Variants in NPIPB2 observed in about 807,000 individuals in gnomAD.
NPIPB2 encodes the protein nuclear pore complex interacting protein family member B2, also known as nuclear pore complex-interacting protein family member B2.
NPIPB2 carries 27 observed loss-of-function variants against 30.8 expected under a neutral mutation model. The ratio of observed to expected loss-of-function variants is 0.88; its 90% CI spans 0.65 to 1.21. The LOEUF (loss-of-function observed/expected upper bound fraction) is 1.21, where lower values mean the gene tolerates loss of function less well. Ranked by LOEUF, NPIPB2 falls within the 50% of genes most tolerant of loss-of-function variation. The pLI, the probability that NPIPB2 is intolerant of heterozygous loss-of-function variation, is 0.00. For synonymous variants in NPIPB2, 147 were observed against 162.0 expected, an observed-to-expected ratio of 0.91 and a Z score of 0.70; for missense variants, 440 against 446.2, an observed-to-expected ratio of 0.99 and a Z score of 0.13.
intron 1 of NPIPB2, 67 bp downstream of exon 1, chr16:11,941,916 C>G: frequency 9.9e-7 from 1 of 1,008,484 alleles, no homozygotes; most frequent in South Asian, 1.4e-5. Context: ...CAGGGTTCCT[C>G]AAGGTCACTT....
chr16:11,957,325 C>T (rs548032411), intron 1 of NPIPB2, among the ~76,000 whole-genome samples: 5 of 152,058 alleles, frequency 3.3e-5, no homozygotes, highest in South Asian at 2.1e-4. Flanking sequence ...ACACCACGCC[C>T]GGCTAAGTTT....
chr16:11,933,652 A>C (rs1332095745), exon 4 of NPIPB2: 1 of 1,596,748 alleles, frequency 6.3e-7, no homozygotes, highest in East Asian at 2.2e-5. Context: ...TTTCAGGCCA[A>C]TTTTATTTCC....
upstream of NPIPB2, among the ~76,000 whole-genome samples, chr16:11,944,493 T>C (rs2054981318): frequency 6.6e-6 from 1 of 150,752 alleles, no homozygotes; most frequent in Non-Finnish European, 1.5e-5. Flanking sequence ...CAGAGTGCGG[T>C]AGCTCACGCC....
At chr16:11,971,389 G>A (rs563319093) in intron 1 of NPIPB2, among the ~76,000 whole-genome samples, 21 of 133,244 alleles carry the variant, frequency 1.6e-4, no homozygotes, top group Non-Finnish European at 2.2e-4. Context: ...CATATAAAAT[G>A]TACACTGGTT....
intron 1 of NPIPB2, among the ~76,000 whole-genome samples, chr16:11,960,387 C>T (rs148374684): frequency 6.8e-6 from 1 of 146,708 alleles, no homozygotes; most frequent in African/African-American, 2.5e-5. Context: ...CAGAGTCTCC[C>T]TCTGTCGCCC....
rs141550088 is a variant in NPIPB2, at chr16:11,960,582, T to C, written c.-584+15986A>G. ...CATGTTGGCCAGGCTGGTCTCAAACTCCTGACCTCAGGTTATCCGCCCTCC... is the reference window on the plus strand; with the variant it reads ...CATGTTGGCCAGGCTGGTCTCAAACCCCTGACCTCAGGTTATCCGCCCTCC... On this transcript the variant is annotated intron_variant, in intron 1 of 5. Transcript: ENST00000538896. 1.7e-3 allele frequency among the ~76,000 whole-genome samples: 259 copies of C among 152,208 alleles called. 1 individual carries two copies. Among genetic ancestry groups the C allele is most frequent in the African/African-American group, 6.0e-3 (249 of 41,522 alleles).
exon 1 of NPIPB2, chr16:11,976,586 G>A (rs1048971453): frequency 1.7e-4 from 61 of 361,830 alleles, no homozygotes; most frequent in Non-Finnish European, 2.8e-4. Flanking sequence ...TCCAGCCCGC[G>A]TAGCCTCAGC....
chr16:11,974,465 C>T (rs1006407967), intron 1 of NPIPB2, among the ~76,000 whole-genome samples: 3 of 151,938 alleles, frequency 2.0e-5, no homozygotes, highest in East Asian at 1.9e-4. Context: ...TGTAGTGAGC[C>T]GAGATCGCGC....
rs113108305 is a variant in NPIPB2 at position 11,974,600 on chromosome 16, TAGAGGAG to T, written c.-584+1961_-584+1967del. The stretch of plus-strand genomic sequence containing the variant: ...TCAGCATTAGAGGAAAAAAAGAAAG[TAGAGGAG>T]AATGTACTACCTACAGAATTGTTTT... On this transcript the variant is annotated intron_variant, in intron 1 of 5. Transcript: ENST00000538896. Among the ~76,000 whole-genome samples the T allele has an allele frequency of 6.8e-3, 1,032 of 152,222 alleles. 12 individuals are homozygous for T. The highest frequency in any genetic ancestry group is 0.024 in the African/African-American group (986 of 41,536).
At chr16:11,969,183 A>G (rs569773217) in intron 1 of NPIPB2, among the ~76,000 whole-genome samples, 2 of 151,944 alleles carry the variant, frequency 1.3e-5, no homozygotes, top group East Asian at 3.9e-4. Flanking sequence ...ATACGCTTCT[A>G]TGGTTAGGGC....
chr16:11,942,072 T>G (rs565644135), upstream of NPIPB2: 1 of 1,479,224 alleles, frequency 6.8e-7, no homozygotes, highest in Non-Finnish European at 9.1e-7. Flanking sequence ...GTCCCGATAG[T>G]AAACCATCTC....
chr16:11,952,571 T>G (rs2055077299), intron 1 of NPIPB2, among the ~76,000 whole-genome samples: 1 of 149,356 alleles, frequency 6.7e-6, no homozygotes, highest in Admixed American at 6.7e-5. Context: ...TTCTCTTTTT[T>G]TTTTTTTTTT....
intron 1 of NPIPB2, among the ~76,000 whole-genome samples, chr16:11,947,390 G>A (rs2055022599): frequency 6.7e-6 from 1 of 149,202 alleles, no homozygotes; most frequent in Admixed American, 6.7e-5. Context: ...TGTCGCCCAG[G>A]CTGGAGTGCA....
intron 1 of NPIPB2, 31 bp from the exon 2 acceptor site, chr16:11,937,699 G>A (rs1477516978): frequency 6.3e-7 from 1 of 1,595,844 alleles, no homozygotes; most frequent in East Asian, 2.2e-5. Flanking sequence ...ATAATGAAAA[G>A]GTCAATGACA....
chr16:11,952,252 G>A (rs146670467), intron 1 of NPIPB2, among the ~76,000 whole-genome samples: 1,884 of 151,828 alleles, frequency 0.012, 39 homozygotes, highest in African/African-American at 0.044. Flanking sequence ...GGAGGCTAAG[G>A]CAGGAGAATG....
intron 4 of NPIPB2, among the ~76,000 whole-genome samples, chr16:11,933,096 A>G (rs968944728): frequency 8.6e-5 from 13 of 152,026 alleles, no homozygotes; most frequent in Non-Finnish European, 1.8e-4. Flanking sequence ...CCCCATCTCT[A>G]GTAAAAATAC....
At chr16:11,971,973 C>G (rs2055238322) in intron 1 of NPIPB2, among the ~76,000 whole-genome samples, 1 of 151,466 alleles carries the variant, frequency 6.6e-6, no homozygotes, top group Admixed American at 6.6e-5. Context: ...AGTGAAACCC[C>G]ATCTCTACCA....
upstream of NPIPB2, among the ~76,000 whole-genome samples, chr16:11,946,157 G>A (rs940368014): frequency 6.6e-5 from 10 of 152,030 alleles, no homozygotes; most frequent in Middle Eastern, 3.4e-3. Context: ...AGGCCAGAGC[G>A]GGCAGATCGC....
chr16:11,944,131 A>G (rs192343035), upstream of NPIPB2, among the ~76,000 whole-genome samples: 2 of 152,060 alleles, frequency 1.3e-5, no homozygotes, highest in African/African-American at 2.4e-5. Context: ...AGAAAACAGC[A>G]GAACACCAGT....
Sources: gnomAD v4.1 joint callset for allele counts (sites outside exome capture counted in the v4.1 genomes callset) on GRCh38, gnomAD v4.1.1 for gene constraint, MANE v1.5 for transcripts, NCBI Gene and HGNC (gene_info 2026-07-23, HGNC 2026-07-21) for gene names.